AHR: variants seen among roughly 807,000 people sequenced by gnomAD.
AHR encodes AH-receptor.
A neutral mutation model predicts 86.8 loss-of-function variants in AHR; 40 were observed. The ratio of observed to expected loss-of-function variants is 0.46; its 90% confidence interval spans 0.36 to 0.60. The LOEUF (loss-of-function observed/expected upper bound fraction) is 0.60, where lower values mean the gene tolerates loss of function less well. Among genes scored for constraint, AHR ranks in the 20% least tolerant of loss-of-function variants. The pLI, the probability that AHR is intolerant of heterozygous loss-of-function variation, is 0.00. For missense variants in AHR, 1,001 were observed against 1,011.6 expected, an observed-to-expected ratio of 0.99 and a Z score of 0.14; for synonymous variants, 398 against 354.9, an observed-to-expected ratio of 1.12 and a Z score of -1.37.
At position 17,343,154 on chromosome 7, in the gene AHR, A is replaced by C; in HGVS notation, c.*90A>C. 1 of 1,456,726 alleles carries C rather than the reference A, an allele frequency of 6.9e-7. No individual in the cohort carries two copies. The highest frequency in any genetic ancestry group is 9.6e-7 in the Non-Finnish European group (1 of 1,044,978). 90.2% of individuals were successfully genotyped at this position (1,456,726 alleles called of 1,614,324 possible). A position where few individuals can be genotyped will look rare whatever the true frequency, so the allele number is the denominator to read the frequency against. ...AAAACTGTCACTGTTGGACGTCAGC[A>C]AGTTCACATGGAGGCATTGATGCAT... is the stretch of plus-strand genomic sequence containing the variant. On this transcript the variant is annotated 3_prime_UTR_variant, in exon 11 of 11. Coordinates refer to ENST00000242057, the MANE Select transcript of AHR (RefSeq NM_001621.5).
rs1407499401 is a variant in AHR at position 17,335,733 on chromosome 7, G to C, written c.1107G>C (p.Leu369=). 6.2e-7 allele frequency: 1 copy of C among 1,612,742 alleles called. No homozygotes were observed. The highest frequency in any genetic ancestry group is 1.3e-5 in the African/African-American group (1 of 74,888). Residue 369 remains leucine (L), a synonymous_variant, in exon 9 of 11, where the codon CTG becomes CTC. Coordinates refer to ENST00000242057, the MANE Select transcript of AHR (RefSeq NM_001621.5). Reference sequence around the variant, plus strand: ...CTTGGGTCCAGTCTAATGCACGCCTGCTTTATAAAAATGGAAGACCAGATT... The same window carrying C: ...CTTGGGTCCAGTCTAATGCACGCCTCCTTTATAAAAATGGAAGACCAGATT... The part of the protein sequence containing the change: ...RWTWVQSNAR[L]LYKNGRPDYI...
chr7:17,311,432 G>A (rs1190993793), intron 2 of AHR, among the ~76,000 whole-genome samples: 2 of 152,150 alleles, frequency 1.3e-5, no homozygotes, highest in Non-Finnish European at 2.9e-5. Context: ...TAGACAACAC[G>A]TTTATGGATA....
At chr7:17,325,403 T>C (rs1474038546) in intron 3 of AHR, among the ~76,000 whole-genome samples, 3 of 152,230 alleles carry the variant, frequency 2.0e-5, no homozygotes, top group Non-Finnish European at 4.4e-5. Context: ...TACAAAATAA[T>C]ATGAATGTGA....
At position 17,335,039 on chromosome 7, in the gene AHR, T is replaced by C. The variant is rs751838949; in HGVS notation, c.1018+43T>C. ...ATGAACATGTCAGAAGAAAACGGCA[T>C]ATACTGTTGTACATGTTTCAAATTC... On this transcript the variant is annotated intron_variant, in intron 8 of 10. Transcript: ENST00000242057. 30 of 1,402,726 alleles carry C rather than the reference T, an allele frequency of 2.1e-5. No homozygotes were observed. In the South Asian group the frequency reaches 3.2e-4, roughly 15 times the overall value. The allele number at this position is 1,402,726 out of a possible 1,614,324, so 86.9% of individuals were successfully genotyped here.
intron 1 of AHR, among the ~76,000 whole-genome samples, chr7:17,301,882 T>C: frequency 6.6e-6 from 1 of 151,886 alleles, no homozygotes; most frequent in East Asian, 1.9e-4. Context: ...AAGAAGAAAA[T>C]ATCAAAGATA....
chr7:17,327,904 T>C, intron 4 of AHR, 56 bp downstream of exon 4: 1 of 759,660 alleles, frequency 1.3e-6, no homozygotes, highest in Non-Finnish European at 1.8e-6. Context: ...TTTTTATATA[T>C]ATTTAGGACA....
intron 2 of AHR, 53 bp from the exon 3 acceptor site, chr7:17,322,448 G>T (rs1177391428): frequency 1.8e-5 from 21 of 1,182,984 alleles, no homozygotes; most frequent in Non-Finnish European, 2.5e-5. Flanking sequence ...TTCTATTATA[G>T]CTCTTTACTC....
intron 3 of AHR, among the ~76,000 whole-genome samples, chr7:17,326,284 A>G (rs555069640): frequency 2.0e-5 from 3 of 152,302 alleles, no homozygotes; most frequent in African/African-American, 4.8e-5. Context: ...TATAATATAG[A>G]TCAAGAATCT....
intron 1 of AHR, among the ~76,000 whole-genome samples, chr7:17,306,763 T>G (rs1224645123): frequency 6.6e-6 from 1 of 152,134 alleles, no homozygotes; most frequent in Admixed American, 6.5e-5. Context: ...TATAGTGAGT[T>G]AGTTTAGTTC....
intron 3 of AHR, among the ~76,000 whole-genome samples, chr7:17,323,290 T>G (rs1458642535): frequency 6.6e-6 from 1 of 152,166 alleles, no homozygotes; most frequent in Admixed American, 6.5e-5. Flanking sequence ...TAGTTTAAAA[T>G]AGTTCTTAAC....
At chr7:17,337,029 C>T (rs923866959) in intron 9 of AHR, among the ~76,000 whole-genome samples, 4 of 152,066 alleles carry the variant, frequency 2.6e-5, no homozygotes, top group Non-Finnish European at 5.9e-5. Flanking sequence ...TTACAACCCT[C>T]ATCTTTTGCT....
chr7:17,334,124 A>C lies in AHR; in HGVS notation c.908+10A>C. On this transcript the variant is annotated intron_variant, in intron 7 of 10. Transcript: ENST00000242057. ...TTGGTTGTGATGCCAAGTAAGTGAGACTTTTTCACTTTTATTTTATTGGAT... is the reference window on the plus strand; with the variant it reads ...TTGGTTGTGATGCCAAGTAAGTGAGCCTTTTTCACTTTTATTTTATTGGAT... 3 of 1,599,758 alleles carry C rather than the reference A, an allele frequency of 1.9e-6. No individual in the cohort carries two copies. The highest frequency in any genetic ancestry group is 2.6e-6 in the Non-Finnish European group (3 of 1,167,818).
intron 1 of AHR, among the ~76,000 whole-genome samples, chr7:17,299,799 G>A (rs1365215635): frequency 1.3e-5 from 2 of 152,208 alleles, no homozygotes; most frequent in African/African-American, 4.8e-5. Flanking sequence ...TGACTTTTAC[G>A]AAGGGGCTGA....
intron 9 of AHR, among the ~76,000 whole-genome samples, chr7:17,337,357 A>G (rs1358068107): frequency 1.3e-5 from 2 of 151,598 alleles, no homozygotes; most frequent in African/African-American, 4.8e-5. Context: ...TCAGAAGTCT[A>G]GTTTGTTAAT....
At chr7:17,301,071 T>C (rs1267070998) in intron 1 of AHR, among the ~76,000 whole-genome samples, 1 of 152,130 alleles carries the variant, frequency 6.6e-6, no homozygotes, top group Non-Finnish European at 1.5e-5. Flanking sequence ...AATATACTTG[T>C]ATTAATTTCT....
chr7:17,302,808 A>ATAT (rs557553884), intron 1 of AHR, among the ~76,000 whole-genome samples: 323 of 150,552 alleles, frequency 2.1e-3, no homozygotes, highest in African/African-American at 7.6e-3. Flanking sequence ...GAACAAAAAA[A>ATAT]AAATATATAT....
chr7:17,322,744 T>C, intron 3 of AHR, 137 bp downstream of exon 3: 1 of 628,134 alleles, frequency 1.6e-6, no homozygotes, highest in East Asian at 2.7e-5. Context: ...ACTGCGATAG[T>C]GAATGATGCT....
At chr7:17,317,237 A>T (rs1363905493) in intron 2 of AHR, among the ~76,000 whole-genome samples, 3 of 150,926 alleles carry the variant, frequency 2.0e-5, no homozygotes, top group African/African-American at 7.3e-5. Flanking sequence ...ATTTGTTAAT[A>T]AACTGTTTTT....
intron 9 of AHR, among the ~76,000 whole-genome samples, chr7:17,338,249 G>C (rs916087010): frequency 2.4e-4 from 31 of 131,670 alleles, no homozygotes; most frequent in African/African-American, 9.0e-4. Context: ...TTAATATTAA[G>C]TAATTTTCAT....
Sources: allele counts gnomAD v4.1 joint callset (sites outside exome capture counted in the v4.1 genomes callset), GRCh38; gene constraint gnomAD v4.1.1; transcripts MANE v1.5; gene names NCBI Gene and HGNC (gene_info 2026-07-23, HGNC 2026-07-21).